The following PTPRQ variants were observed in gnomAD, a reference collection of about 807,000 sequenced individuals.
PTPRQ encodes protein tyrosine phosphatase receptor type Q.
PTPRQ carries 199 observed loss-of-function variants against 246.0 expected under a neutral mutation model. The ratio of observed to expected loss-of-function variants is 0.81; its 90% CI spans 0.72 to 0.91. The LOEUF (loss-of-function observed/expected upper bound fraction) is 0.91. Ranked by LOEUF, PTPRQ falls within the 40% of genes least tolerant of loss-of-function variation. The probability of loss-of-function intolerance (pLI) is 0.00; values close to 1 mark genes in which losing one functional copy is unlikely to be tolerated. For synonymous variants in PTPRQ, 869 were observed against 853.2 expected (o/e 1.02, Z -0.32); for missense variants, 2,624 against 2,528.4 (o/e 1.04, Z -0.81).
intron 39 of PTPRQ, among the ~76,000 whole-genome samples, chr12:80,664,138 G>A (rs1433863978): frequency 3.3e-5 from 5 of 151,762 alleles, no homozygotes; most frequent in East Asian, 1.9e-4. Context: ...TCATGATCAC[G>A]CCAAAATATC....
chr12:80,651,514 C>G (rs1356482063), intron 37 of PTPRQ, among the ~76,000 whole-genome samples: 1 of 151,984 alleles, frequency 6.6e-6, no homozygotes, highest in African/African-American at 2.4e-5. Flanking sequence ...TGTGGTCCCA[C>G]TGAAAAGAGA....
At position 80,611,300 on chromosome 12, in the gene PTPRQ, A is replaced by G. The variant is rs12309194; in HGVS notation, c.4918+675A>G. Among the ~76,000 whole-genome samples, 1,077 of 150,440 alleles carry G rather than the reference A, an allele frequency of 7.2e-3. 18 individuals are homozygous for G. The highest frequency in any genetic ancestry group is 0.024 in the African/African-American group (995 of 41,354). ...CTCCTGATGTTCTTTGCCACCAGATATATCATTGGAAAAAGCAGATGAAGG... is the reference window on the plus strand; with the variant it reads ...CTCCTGATGTTCTTTGCCACCAGATGTATCATTGGAAAAAGCAGATGAAGG... On this transcript the variant is annotated intron_variant, in intron 28 of 44. Coordinates refer to ENST00000644991, the MANE Select transcript of PTPRQ (RefSeq NM_001145026.2).
At position 80,461,966 on chromosome 12, in the gene PTPRQ, A is replaced by T. The variant is rs55852310; in HGVS notation, c.910+1064A>T. On this transcript the variant is annotated intron_variant, in intron 6 of 44. Coordinates refer to ENST00000644991, the MANE Select transcript of PTPRQ (RefSeq NM_001145026.2). The stretch of plus-strand genomic sequence containing the variant: ...GAAGACGGGTGATTTCCGCATTTTC[A>T]TCTAAGGTACCCGTTCGTCTCACTA... 3.0e-3 allele frequency: 1,997 copies of T among 654,916 alleles called. 68 individuals are homozygous for T. In the African/African-American group the frequency reaches 0.039, roughly 13 times the overall value. 40.6% of individuals were successfully genotyped at this position (654,916 alleles called of 1,614,324 possible).
Position 80,513,851 on chromosome 12 carries a change from T to A in PTPRQ, c.2678+3408T>A, listed in dbSNP as rs530470140. ...TTCCCTAGCATGTCTGTGTTGAACC[T>A]CAGGTAGCTAGATACTCCCGGCTGA... On this transcript the variant is annotated intron_variant, in intron 17 of 44. Coordinates refer to ENST00000644991, the MANE Select transcript of PTPRQ (RefSeq NM_001145026.2). 3.0e-4 allele frequency among the ~76,000 whole-genome samples: 46 copies of A among 152,282 alleles called. No homozygotes were observed. In the South Asian group the frequency reaches 7.1e-3, roughly 23 times the overall value.
intron 24 of PTPRQ, chr12:80,546,937 G>A: frequency 2.7e-6 from 1 of 368,472 alleles, no homozygotes; most frequent in Non-Finnish European, 4.7e-6. Flanking sequence ...TAAAATAGTA[G>A]TTTGGGAACA....
intron 14 of PTPRQ, 49 bp from the exon 15 acceptor site, chr12:80,505,975 A>T (rs1405392015): frequency 6.6e-7 from 1 of 1,509,582 alleles, no homozygotes; most frequent in Non-Finnish European, 8.9e-7. Context: ...AGCAGAATAG[A>T]TTTTTAGAAT....
chr12:80,485,056 C>G (rs965864447), intron 9 of PTPRQ, among the ~76,000 whole-genome samples: 5 of 151,452 alleles, frequency 3.3e-5, no homozygotes, highest in Non-Finnish European at 5.9e-5. Context: ...CTCAAAGCTG[C>G]CTCTTTTTTT....
At chr12:80,522,170 T>C (rs1895516603) in intron 17 of PTPRQ, among the ~76,000 whole-genome samples, 1 of 152,146 alleles carries the variant, frequency 6.6e-6, no homozygotes, top group Admixed American at 6.6e-5. Context: ...GTTTGTCTGT[T>C]ATTGGTATAT....
intron 25 of PTPRQ, among the ~76,000 whole-genome samples, chr12:80,567,086 C>A (rs1897001653): frequency 6.6e-6 from 1 of 152,148 alleles, no homozygotes; most frequent in African/African-American, 2.4e-5. Context: ...ACTTTGACTG[C>A]AGATTAAACA....
chr12:80,506,284 G>C, intron 15 of PTPRQ, 78 bp downstream of exon 15: 1 of 1,344,044 alleles, frequency 7.4e-7, no homozygotes, highest in Non-Finnish European at 9.9e-7. Context: ...AATGTTAATA[G>C]TTTCAGATTA....
intron 33 of PTPRQ, among the ~76,000 whole-genome samples, chr12:80,630,964 T>C (rs1352195748): frequency 6.6e-6 from 1 of 152,198 alleles, no homozygotes; most frequent in Non-Finnish European, 1.5e-5. Flanking sequence ...TCTGCCTGCC[T>C]CGGCTTCCCA....
At chr12:80,676,910 C>A (rs1901163148) in intron 43 of PTPRQ, among the ~76,000 whole-genome samples, 1 of 152,144 alleles carries the variant, frequency 6.6e-6, no homozygotes, top group African/African-American at 2.4e-5. Flanking sequence ...ACACTCCCAC[C>A]CCCAGATGAG....
chr12:80,463,938 A>G (rs1390055362), intron 6 of PTPRQ, among the ~76,000 whole-genome samples: 8 of 151,162 alleles, frequency 5.3e-5, no homozygotes, highest in African/African-American at 1.7e-4. Context: ...GACCATCGAG[A>G]CTAAGAAGAA....
chr12:80,535,187 C>T (rs750254188), intron 19 of PTPRQ, 150 bp downstream of exon 19: 42 of 742,634 alleles, frequency 5.7e-5, no homozygotes, highest in Non-Finnish European at 7.0e-5. Context: ...TAGAAAAATG[C>T]GGTGTAGAAA....
chr12:80,628,209 A>G (rs77891700), intron 33 of PTPRQ, among the ~76,000 whole-genome samples: 1 of 152,150 alleles, frequency 6.6e-6, no homozygotes, highest in Non-Finnish European at 1.5e-5. Flanking sequence ...GTATAAAAAA[A>G]TGTACCTAAA....
intron 14 of PTPRQ, among the ~76,000 whole-genome samples, chr12:80,500,304 G>A (rs889893585): frequency 6.6e-6 from 1 of 151,650 alleles, no homozygotes; most frequent in South Asian, 2.1e-4. Flanking sequence ...CTATAATTCG[G>A]GGACACTCTG....
At chr12:80,612,875 T>C (rs1470575314) in intron 28 of PTPRQ, among the ~76,000 whole-genome samples, 2 of 150,554 alleles carry the variant, frequency 1.3e-5, no homozygotes, top group Non-Finnish European at 3.0e-5. Context: ...ATACATGTAG[T>C]ATCCACCTTG....
intron 3 of PTPRQ, among the ~76,000 whole-genome samples, chr12:80,454,074 C>T (rs568855247): frequency 5.2e-5 from 5 of 95,998 alleles, no homozygotes; most frequent in East Asian, 4.7e-4. Context: ...TGGGCAATGG[C>T]GGGTGCCCCT....
At chr12:80,454,662 G>T in intron 3 of PTPRQ, 2 of 623,162 alleles carry the variant, frequency 3.2e-6, no homozygotes, top group Non-Finnish European at 5.7e-6. Flanking sequence ...CTTTGTTGAG[G>T]GTTTTTATCA....
Sources: gnomAD v4.1 joint callset for allele counts (sites outside exome capture counted in the v4.1 genomes callset) on GRCh38, gnomAD v4.1.1 for gene constraint, MANE v1.5 for transcripts, NCBI Gene and HGNC (gene_info 2026-07-23, HGNC 2026-07-21) for gene names.